Variants in TPST1 observed in about 807,000 individuals in gnomAD.
The protein encoded by TPST1 is protein-tyrosine sulfotransferase 1.
Under a neutral mutation model 34.8 loss-of-function variants are expected in TPST1, and 20 were observed. The ratio of observed to expected loss-of-function variants is 0.57; its 90% confidence interval spans 0.40 to 0.84. The LOEUF (loss-of-function observed/expected upper bound fraction) is 0.84. Ranked by LOEUF, TPST1 falls within the 40% of genes least tolerant of loss-of-function variation. TPST1 has a pLI of 0.00. For missense variants in TPST1, 353 were observed against 455.5 expected (o/e 0.78, Z 2.05); for synonymous variants, 152 against 159.4 (o/e 0.95, Z 0.35).
At chr7:66,245,942 T>C (rs1049207522) in intron 2 of TPST1, among the ~76,000 whole-genome samples, 2 of 152,142 alleles carry the variant, frequency 1.3e-5, no homozygotes, top group Non-Finnish European at 2.9e-5. Flanking sequence ...CAAGTCTGTT[T>C]ATTTGTGAAA....
chr7:66,265,638 T>G (rs1258095818), intron 2 of TPST1, among the ~76,000 whole-genome samples: 1 of 151,806 alleles, frequency 6.6e-6, no homozygotes, highest in Non-Finnish European at 1.5e-5. Flanking sequence ...CATGCATTTA[T>G]GCATACAAGA....
intron 1 of TPST1, among the ~76,000 whole-genome samples, chr7:66,232,668 A>G (rs562759276): frequency 6.6e-6 from 1 of 152,202 alleles, no homozygotes. Context: ...ATGCCTGAAT[A>G]GTTTTTAAAT....
intron 2 of TPST1, among the ~76,000 whole-genome samples, chr7:66,270,376 A>G (rs1007949732): frequency 3.9e-5 from 6 of 152,332 alleles, no homozygotes; most frequent in Admixed American, 3.3e-4. Flanking sequence ...AAATAGAACC[A>G]TATCAGTCAG....
chr7:66,303,265 G>GA (rs140405921), intron 3 of TPST1, among the ~76,000 whole-genome samples: 19,611 of 146,950 alleles, frequency 0.13, 1,669 homozygotes, highest in South Asian at 0.2. Context: ...TTTCTGGTCT[G>GA]AAAAAAAAAA....
intron 2 of TPST1, among the ~76,000 whole-genome samples, chr7:66,244,188 C>T (rs1322813084): frequency 6.6e-6 from 1 of 151,866 alleles, no homozygotes; most frequent in African/African-American, 2.4e-5. Context: ...CTCCTGACCT[C>T]GTGATCTGCC....
intron 2 of TPST1, among the ~76,000 whole-genome samples, chr7:66,271,731 T>G (rs1790708591): frequency 6.6e-6 from 1 of 152,228 alleles, no homozygotes; most frequent in African/African-American, 2.4e-5. Flanking sequence ...AATATTTCAT[T>G]GTGAGTATAT....
At chr7:66,310,489 G>A (rs1791507990) in intron 3 of TPST1, among the ~76,000 whole-genome samples, 1 of 152,098 alleles carries the variant, frequency 6.6e-6, no homozygotes, top group Admixed American at 6.5e-5. Flanking sequence ...CTATTACCGT[G>A]TGTTCACTGC....
intron 1 of TPST1, among the ~76,000 whole-genome samples, chr7:66,214,179 A>G (rs540304419): frequency 6.6e-6 from 1 of 151,848 alleles, no homozygotes; most frequent in Non-Finnish European, 1.5e-5. Flanking sequence ...ATTATCCTCA[A>G]CTCTCCTACT....
intron 3 of TPST1, among the ~76,000 whole-genome samples, chr7:66,316,204 C>A (rs760769603): frequency 2.0e-5 from 3 of 150,970 alleles, no homozygotes; most frequent in Non-Finnish European, 4.4e-5. Flanking sequence ...TATTTGTGTT[C>A]ATAAATTATT....
intron 3 of TPST1, among the ~76,000 whole-genome samples, chr7:66,339,343 G>C (rs1792186848): frequency 6.6e-6 from 1 of 152,106 alleles, no homozygotes; most frequent in Non-Finnish European, 1.5e-5. Flanking sequence ...TGAGTAATGA[G>C]ATTGAAGCCA....
intron 2 of TPST1, among the ~76,000 whole-genome samples, chr7:66,278,276 G>GA (rs1397816701): frequency 6.6e-6 from 1 of 151,972 alleles, no homozygotes; most frequent in Non-Finnish European, 1.5e-5. Flanking sequence ...GAATGTAGTT[G>GA]AAAAATAACT....
intron 3 of TPST1, among the ~76,000 whole-genome samples, chr7:66,323,761 TGAATTGAA>T (rs1277216920): frequency 6.6e-6 from 1 of 152,188 alleles, no homozygotes. Flanking sequence ...CAATTTGTGG[TGAATTGAA>T]ACTATAATCA....
At chr7:66,336,027 T>G (rs994747455) in intron 3 of TPST1, among the ~76,000 whole-genome samples, 1 of 152,166 alleles carries the variant, frequency 6.6e-6, no homozygotes, top group African/African-American at 2.4e-5. Context: ...GTTCAGTGAA[T>G]CTGCCAGGCA....
chr7:66,319,991 C>T (rs1031095797), intron 3 of TPST1, among the ~76,000 whole-genome samples: 6 of 152,148 alleles, frequency 3.9e-5, no homozygotes, highest in Non-Finnish European at 7.4e-5. Flanking sequence ...AATCAAAAAT[C>T]GTCCCCGCTT....
chr7:66,352,295 C>T (rs1427963040), intron 3 of TPST1, among the ~76,000 whole-genome samples: 1 of 152,190 alleles, frequency 6.6e-6, no homozygotes, highest in Non-Finnish European at 1.5e-5. Context: ...TGTGAGCACT[C>T]GGTAAACACA....
chr7:66,203,137 TTATC>T (rs553726075), upstream of TPST1, among the ~76,000 whole-genome samples: 293 of 152,178 alleles, frequency 1.9e-3, 2 homozygotes, highest in Non-Finnish European at 3.8e-3. Context: ...GTCAGTTTTC[TTATC>T]TATCTCTGTG....
chr7:66,279,149 G>T (rs1162193930), intron 2 of TPST1, among the ~76,000 whole-genome samples: 1 of 152,140 alleles, frequency 6.6e-6, no homozygotes, highest in Admixed American at 6.5e-5. Flanking sequence ...TGTGCTCAGT[G>T]CTTAGCTAGC....
At chr7:66,204,160 G>C (rs1584127582), upstream of TPST1, among the ~76,000 whole-genome samples, 1 of 151,612 alleles carries the variant, frequency 6.6e-6, no homozygotes, top group East Asian at 1.9e-4. Flanking sequence ...CTGGGAGACA[G>C]AGTGAGACTC....
chr7:66,274,133 C>T (rs1369293574), intron 2 of TPST1, among the ~76,000 whole-genome samples: 4 of 150,974 alleles, frequency 2.6e-5, no homozygotes, highest in Non-Finnish European at 4.4e-5. Flanking sequence ...CTTTGGGAGG[C>T]CGAGGTGGGT....
Sources: gnomAD v4.1 joint callset for allele counts (sites outside exome capture counted in the v4.1 genomes callset) on GRCh38, gnomAD v4.1.1 for gene constraint, MANE v1.5 for transcripts, NCBI Gene and HGNC (gene_info 2026-07-23, HGNC 2026-07-21) for gene names.